YAF2: variants seen among roughly 807,000 people sequenced by gnomAD.
YAF2 encodes the protein YY1-associated factor 2.
YAF2 carries 7 observed loss-of-function variants against 20.1 expected under a neutral mutation model. That is an observed-to-expected ratio of 0.35 (90% CI 0.20 to 0.65). The LOEUF (loss-of-function observed/expected upper bound fraction) is 0.65. YAF2 is among the 30% of genes least tolerant of loss of function. The pLI, the probability that YAF2 is intolerant of heterozygous loss-of-function variation, is 0.69. For synonymous variants in YAF2, 74 were observed against 76.0 expected, an observed-to-expected ratio of 0.97 and a Z score of 0.14; for missense variants, 151 against 219.2, an observed-to-expected ratio of 0.69 and a Z score of 1.96.
At position 42,157,165 on chromosome 12, in the gene YAF2, G is replaced by C. The variant is rs1223234506; in HGVS notation, c.*3424C>G. On this transcript the variant is annotated 3_prime_UTR_variant, in exon 4 of 4. Coordinates refer to ENST00000534854, the MANE Select transcript of YAF2 (RefSeq NM_005748.6). ...CCAAAGGCTGAGGAGTCCAAGATCAGGGAGCCCATCTGATGAGGGCCTCAT... is the reference window on the plus strand; with the variant it reads ...CCAAAGGCTGAGGAGTCCAAGATCACGGAGCCCATCTGATGAGGGCCTCAT... 6.6e-6 allele frequency: 1 copy of C among 152,180 alleles called. No homozygotes were observed. Among genetic ancestry groups the C allele is most frequent in the Non-Finnish European group, 1.5e-5 (1 of 68,046 alleles). The allele number at this position is 152,180 out of a possible 1,614,324, so 9.4% of individuals were successfully genotyped here.
At chr12:42,195,251 C>T (rs1388167115) in intron 2 of YAF2, among the ~76,000 whole-genome samples, 2 of 152,122 alleles carry the variant, frequency 1.3e-5, no homozygotes, top group South Asian at 2.1e-4. Context: ...ACTCATGAAT[C>T]GATCTAATCA....
rs983524901 is a variant in YAF2 at position 42,234,950 on chromosome 12, T to G, written c.152+2649A>C. Reference sequence around the variant, plus strand: ...CTGCAGTGAGCCTGGATGATGCCACTGCAACCCAGCCTGGGCAACAGAATG... The same window carrying G: ...CTGCAGTGAGCCTGGATGATGCCACGGCAACCCAGCCTGGGCAACAGAATG... On this transcript the variant is annotated intron_variant, in intron 2 of 3. Coordinates refer to ENST00000534854, the MANE Select transcript of YAF2 (RefSeq NM_005748.6). 3.1e-6 allele frequency: 3 copies of G among 973,892 alleles called. No homozygotes were observed. In the African/African-American group the frequency reaches 5.3e-5, roughly 17 times the overall value. 60.3% of individuals were successfully genotyped at this position (973,892 alleles called of 1,614,324 possible).
intron 2 of YAF2, among the ~76,000 whole-genome samples, chr12:42,215,956 A>G (rs2067345179): frequency 6.6e-6 from 1 of 151,182 alleles, no homozygotes. Context: ...ATAAATAAAT[A>G]AATAAATAAA....
At position 42,232,529 on chromosome 12, in the gene YAF2, G is replaced by A. The variant is rs2068012861; in HGVS notation, c.152+5070C>T. 6 of 985,370 alleles carry A rather than the reference G, an allele frequency of 6.1e-6. No individual in the cohort carries two copies. The South Asian group carries it at 2.8e-4, about 46-fold the overall frequency. The allele number at this position is 985,370 out of a possible 1,614,324, so 61.0% of individuals were successfully genotyped here. The stretch of plus-strand genomic sequence containing the variant: ...AAACAAACAAGTAAGAAATCTCCTA[G>A]AATAAGGAGTCTCTGAACAACTAAA... On this transcript the variant is annotated intron_variant, in intron 2 of 3. Transcript: ENST00000534854.
intron 2 of YAF2, among the ~76,000 whole-genome samples, chr12:42,184,895 G>C (rs1416486907): frequency 6.6e-6 from 1 of 152,244 alleles, no homozygotes; most frequent in African/African-American, 2.4e-5. Flanking sequence ...ACTAGAATTA[G>C]GCCGGTGTGG....
intron 2 of YAF2, among the ~76,000 whole-genome samples, chr12:42,222,635 A>C (rs1327610878): frequency 6.6e-6 from 1 of 152,208 alleles, no homozygotes; most frequent in Non-Finnish European, 1.5e-5. Context: ...TCATCCCAGG[A>C]ATCATCTACT....
intron 2 of YAF2, chr12:42,233,482 A>T: frequency 1.0e-6 from 1 of 983,028 alleles, no homozygotes; most frequent in South Asian, 4.7e-5. Context: ...GACTATCCTT[A>T]ATATTTAATA....
At chr12:42,163,405 C>T (rs1042434423) in intron 2 of YAF2, among the ~76,000 whole-genome samples, 1 of 152,106 alleles carries the variant, frequency 6.6e-6, no homozygotes, top group African/African-American at 2.4e-5. Context: ...TAGAAAGGTA[C>T]TACACTACAG....
intron 2 of YAF2, among the ~76,000 whole-genome samples, chr12:42,165,709 G>A (rs1163711945): frequency 6.8e-6 from 1 of 147,866 alleles, no homozygotes; most frequent in East Asian, 2.0e-4. Context: ...CTGACCTCAT[G>A]ATCTGCCCGC....
chr12:42,235,480 A>G (rs2068119732), intron 2 of YAF2: 1 of 1,225,822 alleles, frequency 8.2e-7, no homozygotes, highest in Non-Finnish European at 1.0e-6. Context: ...CCTGAATTTC[A>G]GAAACCACTA....
chr12:42,212,401 A>T, intron 2 of YAF2: 1 of 427,752 alleles, frequency 2.3e-6, no homozygotes, highest in Non-Finnish European at 4.6e-6. Context: ...CTAGATACAG[A>T]TATATTTTAA....
chr12:42,198,655 T>G (rs1358525618), intron 2 of YAF2, among the ~76,000 whole-genome samples: 1 of 152,184 alleles, frequency 6.6e-6, no homozygotes, highest in Non-Finnish European at 1.5e-5. Context: ...GATCTAGGTA[T>G]CAGGGAACAC....
At chr12:42,186,337 G>A (rs183015284) in intron 2 of YAF2, among the ~76,000 whole-genome samples, 2,284 of 151,728 alleles carry the variant, frequency 0.015, 55 homozygotes, top group African/African-American at 0.053. Flanking sequence ...CTAGGTGACC[G>A]AGCAAAAACT....
chr12:42,168,678 G>C (rs1295296927), intron 2 of YAF2, among the ~76,000 whole-genome samples: 3 of 151,964 alleles, frequency 2.0e-5, no homozygotes, highest in African/African-American at 7.2e-5. Flanking sequence ...AAAAAAACAA[G>C]AACACTCCAT....
At chr12:42,215,976 A>C (rs931095403) in intron 2 of YAF2, among the ~76,000 whole-genome samples, 5 of 138,022 alleles carry the variant, frequency 3.6e-5, no homozygotes, top group Non-Finnish European at 7.9e-5. Context: ...ATAAATAAAT[A>C]AAGCTACTGT....
At chr12:42,162,408 T>A (rs1415788213) in intron 2 of YAF2, among the ~76,000 whole-genome samples, 1 of 152,190 alleles carries the variant, frequency 6.6e-6, no homozygotes, top group Admixed American at 6.5e-5. Flanking sequence ...TTCAGGGATA[T>A]CTGAAATGTT....
At chr12:42,201,445 T>C (rs2066895930) in intron 2 of YAF2, among the ~76,000 whole-genome samples, 1 of 152,220 alleles carries the variant, frequency 6.6e-6, no homozygotes, top group Admixed American at 6.5e-5. Flanking sequence ...TTTATATCCA[T>C]TGTTCATTTT....
chr12:42,237,183 A>T (rs1481829569), intron 2 of YAF2, among the ~76,000 whole-genome samples: 4 of 152,230 alleles, frequency 2.6e-5, no homozygotes, highest in Non-Finnish European at 5.9e-5. Context: ...GCAATCAGAT[A>T]CTTTTCTTTC....
chr12:42,210,695 A>T, intron 2 of YAF2: 1 of 1,527,048 alleles, frequency 6.5e-7, no homozygotes, highest in South Asian at 1.2e-5. Context: ...CAGAATAAGA[A>T]GATTATTTCA....
Sources: allele counts gnomAD v4.1 joint callset (sites outside exome capture counted in the v4.1 genomes callset), GRCh38; gene constraint gnomAD v4.1.1; transcripts MANE v1.5; gene names NCBI Gene and HGNC (gene_info 2026-07-23, HGNC 2026-07-21).